Variants in PCP4 observed in about 807,000 individuals in gnomAD.
PCP4 encodes calmodulin regulator protein PCP4.
In PCP4, 8 loss-of-function variants were observed where a neutral mutation model predicts 10.0. The observed-to-expected ratio is 0.80, with a 90% confidence interval of 0.47 to 1.45. The LOEUF is 1.45. Ranked by LOEUF, PCP4 falls within the 40% of genes most tolerant of loss-of-function variation. The pLI is 0.00. For missense variants in PCP4, 54 were observed against 74.4 expected, an observed-to-expected ratio of 0.73 and a Z score of 1.01; for synonymous variants, 21 against 23.0, an observed-to-expected ratio of 0.91 and a Z score of 0.24.
In PCP4 at chr21:39,901,282, C is replaced by A. The variant is rs186814880; in HGVS notation, c.61+2755C>A. 1.6e-3 allele frequency among the ~76,000 whole-genome samples: 237 copies of A among 152,280 alleles called. 1 individual carries two copies. The highest frequency in any genetic ancestry group is 3.1e-3 in the Non-Finnish European group (210 of 68,036). ...AAAAATGTTTTTGATCTTTTGGGCT[C>A]CCTTAAAGGATGTAGGCACCCCCCA... On this transcript the variant is annotated intron_variant, in intron 2 of 2. Transcript: ENST00000328619.
chr21:39,895,005 A>C (rs540540772), intron 1 of PCP4, among the ~76,000 whole-genome samples: 30 of 152,060 alleles, frequency 2.0e-4, no homozygotes, highest in Non-Finnish European at 1.0e-4. Context: ...CCATCTACCC[A>C]TCCGTCCACC....
intron 1 of PCP4, among the ~76,000 whole-genome samples, chr21:39,890,431 G>C (rs943438310): frequency 1.3e-5 from 2 of 151,958 alleles, no homozygotes; most frequent in African/African-American, 4.8e-5. Flanking sequence ...TCTCGGTTCA[G>C]TGCAACCTCT....
intron 1 of PCP4, 144 bp from the exon 2 acceptor site, chr21:39,898,332 A>G (rs781216337): frequency 5.2e-6 from 4 of 765,238 alleles, no homozygotes; most frequent in Non-Finnish European, 9.4e-6. Flanking sequence ...TCCTACTCTC[A>G]CTAGCACAGT....
chr21:39,916,128 C>G (rs552210143), intron 2 of PCP4: 1 of 152,242 alleles, frequency 6.6e-6, no homozygotes, highest in South Asian at 2.1e-4. Context: ...CAGCTAGCTG[C>G]TGATTCCTGG....
chr21:39,881,756 G>A (rs1239960369), intron 1 of PCP4, among the ~76,000 whole-genome samples: 1 of 152,166 alleles, frequency 6.6e-6, no homozygotes, highest in African/African-American at 2.4e-5. Context: ...CACCCAGATG[G>A]ACTGAGGCAT....
intron 2 of PCP4, among the ~76,000 whole-genome samples, chr21:39,903,867 C>CAAAAAAAAAAA (rs1210365373): frequency 1.2e-3 from 40 of 34,778 alleles, no homozygotes; most frequent in Middle Eastern, 0.014. Flanking sequence ...GACTCCGTCT[C>CAAAAAAAAAAA]AAAAAAAACA....
intron 2 of PCP4, among the ~76,000 whole-genome samples, chr21:39,904,569 G>T (rs1238255320): frequency 1.3e-5 from 2 of 152,190 alleles, no homozygotes; most frequent in African/African-American, 4.8e-5. Flanking sequence ...GCACAGGGTG[G>T]CTGGATGGAA....
chr21:39,927,572 C>T (rs201391831), intron 2 of PCP4, among the ~76,000 whole-genome samples: 2 of 149,546 alleles, frequency 1.3e-5, no homozygotes, highest in South Asian at 4.3e-4. Flanking sequence ...AATAGAGCCC[C>T]ACTCCCTGCT....
intron 2 of PCP4, among the ~76,000 whole-genome samples, chr21:39,918,409 G>A (rs375704439): frequency 5.3e-5 from 8 of 152,188 alleles, no homozygotes; most frequent in South Asian, 4.2e-4. Flanking sequence ...ACCGAGAGGC[G>A]CTCAGAGTAA....
At chr21:39,897,582 ACACC>A (rs1478563783) in intron 1 of PCP4, among the ~76,000 whole-genome samples, 4 of 152,128 alleles carry the variant, frequency 2.6e-5, no homozygotes, top group Admixed American at 2.6e-4. Flanking sequence ...CCCAGACTTC[ACACC>A]CAGAGAATCT....
rs536851273 is a variant in PCP4, at chr21:39,888,879, C to T, written c.10-9597C>T. Among the ~76,000 whole-genome samples, 5 of 152,352 alleles carry T rather than the reference C, an allele frequency of 3.3e-5. No homozygotes were observed. The East Asian group carries it at 5.8e-4, about 18-fold the overall frequency. ...CTGTACCCGTGACTTTTTCTCCTGA[C>T]AGCTTTGCACATTGGTAAAGGTACC... On this transcript the variant is annotated intron_variant, in intron 1 of 2. Transcript: ENST00000328619.
intron 1 of PCP4, among the ~76,000 whole-genome samples, chr21:39,894,657 A>G (rs1841806128): frequency 6.6e-6 from 1 of 152,230 alleles, no homozygotes; most frequent in Admixed American, 6.5e-5. Context: ...CCAGAATCTC[A>G]TATCAGGGTT....
intron 1 of PCP4, among the ~76,000 whole-genome samples, chr21:39,887,935 A>C (rs562632870): frequency 1.3e-5 from 2 of 152,196 alleles, no homozygotes; most frequent in African/African-American, 4.8e-5. Context: ...TTGTGCGAGG[A>C]ATATGCAATA....
Position 39,893,409 on chromosome 21 carries a change from C to T in PCP4, c.10-5067C>T, listed in dbSNP as rs2146334926. Reference sequence around the variant, plus strand: ...CATATACCCATTTGTTATTTAGATTCCCTTTAATTGGGGTTTTATTAGATT... The same window carrying T: ...CATATACCCATTTGTTATTTAGATTTCCTTTAATTGGGGTTTTATTAGATT... On this transcript the variant is annotated intron_variant, in intron 1 of 2. Coordinates refer to ENST00000328619, the MANE Select transcript of PCP4 (RefSeq NM_006198.3). Among the ~76,000 whole-genome samples, 3 of 152,274 alleles carry T rather than the reference C, an allele frequency of 2.0e-5. No homozygotes were observed. The South Asian group carries it at 6.2e-4, about 32-fold the overall frequency.
At chr21:39,927,488 G>A (rs1375991175) in intron 2 of PCP4, among the ~76,000 whole-genome samples, 1 of 152,146 alleles carries the variant, frequency 6.6e-6, no homozygotes, top group Non-Finnish European at 1.5e-5. Flanking sequence ...TAGAGCTGGT[G>A]CCTGAGCATT....
intron 1 of PCP4, among the ~76,000 whole-genome samples, chr21:39,872,998 T>A (rs2065991432): frequency 6.6e-6 from 1 of 152,192 alleles, no homozygotes; most frequent in Non-Finnish European, 1.5e-5. Flanking sequence ...AAGGACCTCT[T>A]GACATTTGGG....
At chr21:39,902,748 A>T (rs1032075531) in intron 2 of PCP4, among the ~76,000 whole-genome samples, 1 of 152,158 alleles carries the variant, frequency 6.6e-6, no homozygotes, top group African/African-American at 2.4e-5. Flanking sequence ...TTAATGTAGA[A>T]AATAAACGTT....
chr21:39,875,797 T>C (rs2087342732), intron 1 of PCP4, among the ~76,000 whole-genome samples: 1 of 152,238 alleles, frequency 6.6e-6, no homozygotes, highest in Non-Finnish European at 1.5e-5. Context: ...CAACAAATTT[T>C]TATTTATTTT....
At chr21:39,869,668 C>T (rs567188452) in intron 1 of PCP4, among the ~76,000 whole-genome samples, 6 of 152,256 alleles carry the variant, frequency 3.9e-5, no homozygotes, top group African/African-American at 9.6e-5. Context: ...CCTTGGAGAG[C>T]AGGAATTTGT....
Sources: gnomAD v4.1 joint callset for allele counts (sites outside exome capture counted in the v4.1 genomes callset) on GRCh38, gnomAD v4.1.1 for gene constraint, MANE v1.5 for transcripts, NCBI Gene and HGNC (gene_info 2026-07-23, HGNC 2026-07-21) for gene names.